Variants in AGBL4 observed in about 807,000 individuals in gnomAD.
The protein encoded by AGBL4 is cytosolic carboxypeptidase 6.
In AGBL4, 58 loss-of-function variants were observed where a neutral mutation model predicts 66.4. The ratio of observed to expected loss-of-function variants is 0.87; its 90% CI spans 0.71 to 1.09. The LOEUF (loss-of-function observed/expected upper bound fraction) is 1.09, where lower values mean the gene tolerates loss of function less well. AGBL4 is among the 50% of genes least tolerant of loss of function. AGBL4 has a pLI of 0.00. For synonymous variants in AGBL4, 234 were observed against 222.9 expected (o/e 1.05, Z -0.44); for missense variants, 579 against 631.0 (o/e 0.92, Z 0.88).
intron 4 of AGBL4, among the ~76,000 whole-genome samples, chr1:49,207,542 T>TTC (rs1648288037): frequency 2.4e-4 from 19 of 78,004 alleles, no homozygotes; most frequent in African/African-American, 8.3e-4. Flanking sequence ...TTTTTCTTTC[T>TTC]TTTCTTTCTT....
intron 6 of AGBL4, among the ~76,000 whole-genome samples, chr1:48,809,247 G>C (rs1179022311): frequency 1.3e-5 from 2 of 152,168 alleles, no homozygotes; most frequent in Admixed American, 1.3e-4. Context: ...TTTCCAAAAA[G>C]ACCACAGAGC....
rs1272207046 is a variant in AGBL4 at position 48,768,804 on chromosome 1, T to C, written c.634+98387A>G. Among the ~76,000 whole-genome samples, 11 of 152,326 alleles carry C rather than the reference T, an allele frequency of 7.2e-5. No homozygotes were observed. In the South Asian group the frequency reaches 2.1e-3, roughly 29 times the overall value. On this transcript the variant is annotated intron_variant, in intron 6 of 13. Transcript: ENST00000371839. The stretch of plus-strand genomic sequence containing the variant: ...ATATATAAGTTTAAAGTTTTTCATC[T>C]ATACAAAAATCCTGTGCAGTTTTAT...
At chr1:49,515,158 C>G (rs1313006389) in intron 3 of AGBL4, among the ~76,000 whole-genome samples, 1 of 152,018 alleles carries the variant, frequency 6.6e-6, no homozygotes, top group African/African-American at 2.4e-5. Context: ...GGCTAATATC[C>G]AGAATCTACA....
intron 9 of AGBL4, among the ~76,000 whole-genome samples, chr1:48,608,472 T>C (rs1430429151): frequency 6.6e-6 from 1 of 152,168 alleles, no homozygotes; most frequent in East Asian, 1.9e-4. Context: ...GTGAGGATTA[T>C]GGTAACTTGA....
chr1:48,851,919 AAC>A (rs1161794454), intron 6 of AGBL4, among the ~76,000 whole-genome samples: 10 of 151,736 alleles, frequency 6.6e-5, no homozygotes, highest in Admixed American at 6.6e-5. Context: ...AAAAATAAAA[AAC>A]AAAAAAAGAG....
chr1:49,567,625 G>A (rs189631694), intron 3 of AGBL4, among the ~76,000 whole-genome samples: 2 of 152,094 alleles, frequency 1.3e-5, no homozygotes, highest in African/African-American at 4.8e-5. Flanking sequence ...TTGTTACATA[G>A]GGAAACATGT....
At position 49,795,849 on chromosome 1, in the gene AGBL4, T is replaced by C. The variant is rs1644717331; in HGVS notation, c.157+55547A>G. ...ATATGGAATAAAACCATAAAAAGAC[T>C]AGAAGAAAACTTGAGTAAATATTTT... is the stretch of plus-strand genomic sequence containing the variant. On this transcript the variant is annotated intron_variant, in intron 2 of 13. Transcript: ENST00000371839. 2.6e-5 allele frequency among the ~76,000 whole-genome samples: 4 copies of C among 152,076 alleles called. No homozygotes were observed. In the South Asian group the frequency reaches 8.3e-4, roughly 32 times the overall value.
intron 3 of AGBL4, among the ~76,000 whole-genome samples, chr1:49,310,784 A>G (rs976604993): frequency 1.3e-5 from 2 of 151,992 alleles, no homozygotes; most frequent in East Asian, 3.8e-4. Flanking sequence ...AACACTTTCT[A>G]TGTGTCAGGC....
At chr1:48,531,204 T>TC (rs1472581325), downstream of AGBL4, among the ~76,000 whole-genome samples, 63 of 138,056 alleles carry the variant, frequency 4.6e-4, no homozygotes, top group South Asian at 2.1e-3. Context: ...CCAGCTTTTT[T>TC]TTTTCTCTCT....
intron 2 of AGBL4, among the ~76,000 whole-genome samples, chr1:49,779,207 C>G (rs1232589470): frequency 6.6e-6 from 1 of 152,104 alleles, no homozygotes; most frequent in Admixed American, 6.5e-5. Context: ...TAAGTTGAAA[C>G]AAGATTACAA....
intron 12 of AGBL4, among the ~76,000 whole-genome samples, chr1:48,537,027 G>A (rs984381552): frequency 2.6e-4 from 40 of 152,154 alleles, no homozygotes; most frequent in Non-Finnish European, 5.3e-4. Context: ...CATGGAGATG[G>A]GAGAAAACAA....
At chr1:49,481,397 G>A (rs1471842047) in intron 3 of AGBL4, among the ~76,000 whole-genome samples, 1 of 151,952 alleles carries the variant, frequency 6.6e-6, no homozygotes, top group African/African-American at 2.4e-5. Flanking sequence ...AGTTGTGATT[G>A]GAAGTTCATT....
intron 3 of AGBL4, among the ~76,000 whole-genome samples, chr1:49,664,366 C>G (rs868565943): frequency 6.6e-6 from 1 of 151,936 alleles, no homozygotes; most frequent in Admixed American, 6.6e-5. Context: ...ATAGCAATTA[C>G]AGCATAGGTA....
At chr1:49,277,721 A>G (rs1644196588) in intron 3 of AGBL4, among the ~76,000 whole-genome samples, 2 of 144,928 alleles carry the variant, frequency 1.4e-5, no homozygotes, top group South Asian at 4.5e-4. Flanking sequence ...CTAAGGTCAA[A>G]TAAGTTGGCA....
intron 5 of AGBL4, among the ~76,000 whole-genome samples, chr1:48,980,419 CAT>C (rs1659657207): frequency 6.6e-6 from 1 of 152,034 alleles, no homozygotes; most frequent in Non-Finnish European, 1.5e-5. Flanking sequence ...TGCTGCCAAA[CAT>C]AATCCAGGGA....
At chr1:48,954,218 ACTTAC>A (rs1360601405) in intron 5 of AGBL4, among the ~76,000 whole-genome samples, 1 of 152,200 alleles carries the variant, frequency 6.6e-6, no homozygotes, top group Non-Finnish European at 1.5e-5. Flanking sequence ...CCGGTCAAGA[ACTTAC>A]CAAAACTGTT....
chr1:49,670,084 A>T (rs1020521372), intron 3 of AGBL4, among the ~76,000 whole-genome samples: 34 of 152,164 alleles, frequency 2.2e-4, no homozygotes, highest in Non-Finnish European at 3.8e-4. Context: ...ATTTGAAAAA[A>T]AAATTTAAAA....
At chr1:49,344,430 G>A (rs1645599414) in intron 3 of AGBL4, among the ~76,000 whole-genome samples, 1 of 152,148 alleles carries the variant, frequency 6.6e-6, no homozygotes, top group African/African-American at 2.4e-5. Flanking sequence ...TTTTTGCCTA[G>A]TGCACAGGCT....
chr1:49,880,932 T>C (rs1157125946), intron 1 of AGBL4, among the ~76,000 whole-genome samples: 1 of 152,106 alleles, frequency 6.6e-6, no homozygotes, highest in Non-Finnish European at 1.5e-5. Flanking sequence ...TCCAGGTGCG[T>C]CCGTCACCCC....
Sources: allele counts gnomAD v4.1 joint callset (sites outside exome capture counted in the v4.1 genomes callset), GRCh38; gene constraint gnomAD v4.1.1; transcripts MANE v1.5; gene names NCBI Gene and HGNC (gene_info 2026-07-23, HGNC 2026-07-21).